Variants in FGF12 observed in about 807,000 individuals in gnomAD.
The protein encoded by FGF12 is fibroblast growth factor 12, also known as fibroblast growth factor 12B.
FGF12 carries 14 observed loss-of-function variants against 23.6 expected under a neutral mutation model. The ratio of observed to expected loss-of-function variants is 0.59; its 90% confidence interval spans 0.39 to 0.93. The LOEUF is 0.93. FGF12 is among the 40% of genes least tolerant of loss of function. The probability of loss-of-function intolerance (pLI) is 0.00; values close to 1 mark genes in which losing one functional copy is unlikely to be tolerated. For synonymous variants in FGF12, 62 were observed against 77.3 expected (o/e 0.80, Z 1.04); for missense variants, 175 against 217.8 (o/e 0.80, Z 1.24).
At chr3:192,206,369 T>A (rs189599128) in intron 4 of FGF12, among the ~76,000 whole-genome samples, 91 of 152,334 alleles carry the variant, frequency 6.0e-4, no homozygotes, top group African/African-American at 2.2e-3. Flanking sequence ...TTTTGCTAAA[T>A]TAGACCAAGT....
At chr3:192,620,872 A>G (rs1714948364) in intron 2 of FGF12, among the ~76,000 whole-genome samples, 1 of 152,142 alleles carries the variant, frequency 6.6e-6, no homozygotes, top group Non-Finnish European at 1.5e-5. Flanking sequence ...CCTGGGCTCG[A>G]GCTCAGTAAG....
At chr3:192,687,164 CA>C (rs558366691) in intron 2 of FGF12, among the ~76,000 whole-genome samples, 2,249 of 105,268 alleles carry the variant, frequency 0.021, 28 homozygotes, top group African/African-American at 0.055. Flanking sequence ...TCTCTCACAT[CA>C]AAAAAAAAAA....
chr3:192,555,742 G>A (rs1188191850), intron 2 of FGF12, among the ~76,000 whole-genome samples: 3 of 151,008 alleles, frequency 2.0e-5, no homozygotes, highest in Non-Finnish European at 4.4e-5. Context: ...AGATTGCAGC[G>A]AGCCGAGATC....
chr3:192,604,248 CAT>C (rs1313631496), intron 2 of FGF12, among the ~76,000 whole-genome samples: 4 of 152,240 alleles, frequency 2.6e-5, no homozygotes, highest in Non-Finnish European at 2.9e-5. Context: ...TTTGAACACA[CAT>C]GTTTTACAAT....
At chr3:192,470,522 G>A (rs1035291753) in intron 2 of FGF12, among the ~76,000 whole-genome samples, 15 of 152,096 alleles carry the variant, frequency 9.9e-5, no homozygotes, top group African/African-American at 3.6e-4. Context: ...CCGAATATCT[G>A]GGATTAAAGT....
chr3:192,483,662 A>G (rs1723543050), intron 2 of FGF12, among the ~76,000 whole-genome samples: 1 of 152,216 alleles, frequency 6.6e-6, no homozygotes, highest in African/African-American at 2.4e-5. Context: ...TGATCATTCC[A>G]GCATGAATTG....
At chr3:192,439,591 T>C (rs1722133256) in intron 2 of FGF12, among the ~76,000 whole-genome samples, 1 of 152,182 alleles carries the variant, frequency 6.6e-6, no homozygotes, top group South Asian at 2.1e-4. Context: ...CAACTGAGCT[T>C]ACAATCTAGT....
At chr3:192,339,215 A>G (rs1467600612) in intron 3 of FGF12, among the ~76,000 whole-genome samples, 1 of 152,196 alleles carries the variant, frequency 6.6e-6, no homozygotes, top group Non-Finnish European at 1.5e-5. Flanking sequence ...TCTGCCTCCT[A>G]AAAGTCCCAA....
At chr3:192,667,026 A>C (rs1378210693) in intron 2 of FGF12, among the ~76,000 whole-genome samples, 1 of 152,204 alleles carries the variant, frequency 6.6e-6, no homozygotes, top group East Asian at 1.9e-4. Flanking sequence ...AAAGGAAAAA[A>C]ATCATGATTC....
At chr3:192,298,799 A>G (rs76929662) in intron 4 of FGF12, among the ~76,000 whole-genome samples, 8,055 of 152,286 alleles carry the variant, frequency 0.053, 270 homozygotes, top group Middle Eastern at 0.095. Flanking sequence ...TACAAGAAGC[A>G]TGGCACCAGC....
At chr3:192,256,151 A>T (rs1375413274) in intron 4 of FGF12, among the ~76,000 whole-genome samples, 1 of 152,070 alleles carries the variant, frequency 6.6e-6, no homozygotes, top group African/African-American at 2.4e-5. Flanking sequence ...AACTAGCTAC[A>T]ATGAGGCAGA....
At chr3:192,579,597 A>G (rs562178271) in intron 2 of FGF12, among the ~76,000 whole-genome samples, 2 of 152,244 alleles carry the variant, frequency 1.3e-5, no homozygotes, top group East Asian at 3.9e-4. Flanking sequence ...TCTGTCACCC[A>G]GGTTCGAGTG....
chr3:192,543,510 C>G (rs567793544), intron 2 of FGF12, among the ~76,000 whole-genome samples: 1 of 151,864 alleles, frequency 6.6e-6, no homozygotes, highest in South Asian at 2.1e-4. Context: ...CCATTGTGGC[C>G]GAGCTGGTAC....
chr3:192,710,815 C>A (rs530685558), intron 2 of FGF12, among the ~76,000 whole-genome samples: 2 of 152,286 alleles, frequency 1.3e-5, no homozygotes, highest in African/African-American at 4.8e-5. Flanking sequence ...GAATACCACA[C>A]TGAAAATCAG....
intron 2 of FGF12, among the ~76,000 whole-genome samples, chr3:192,419,090 T>C (rs1721442982): frequency 6.6e-6 from 1 of 152,186 alleles, no homozygotes; most frequent in Admixed American, 6.5e-5. Flanking sequence ...TTGTCTGAAA[T>C]ATGGGGTCAG....
Position 192,514,382 on chromosome 3 carries a change from G to C in FGF12, c.14-153844C>G, listed in dbSNP as rs1168488816. Among the ~76,000 whole-genome samples, 6 of 152,250 alleles carry C rather than the reference G, an allele frequency of 3.9e-5. No homozygotes were observed. Among genetic ancestry groups the C allele is most frequent in the East Asian group, 1.9e-4 (1 of 5,180 alleles). On this transcript the variant is annotated intron_variant, in intron 2 of 5. Transcript: ENST00000445105. This position sits in a 1 kb window ranked among gnomAD's most constrained non-coding sequence, Gnocchi z 4.9. ...GCGAGAAGGTGCGAACGCAGGTCAC[G>C]GCCAGCGCCGCTTGGAGAGAGACCC...
intron 2 of FGF12, among the ~76,000 whole-genome samples, chr3:192,416,654 T>C (rs544953184): frequency 8.5e-5 from 13 of 152,290 alleles, no homozygotes; most frequent in Non-Finnish European, 1.5e-4. Flanking sequence ...GAGAGCTTGT[T>C]AGCAGATTAA....
intron 5 of FGF12, among the ~76,000 whole-genome samples, chr3:192,150,574 T>A (rs1484320162): frequency 6.8e-6 from 1 of 146,280 alleles, no homozygotes; most frequent in Non-Finnish European, 1.5e-5. Flanking sequence ...AAATGGGGAA[T>A]CCTTTCCCCA....
At chr3:192,546,156 T>G (rs1725488995) in intron 2 of FGF12, among the ~76,000 whole-genome samples, 1 of 152,200 alleles carries the variant, frequency 6.6e-6, no homozygotes, top group Non-Finnish European at 1.5e-5. Context: ...TTATTAGCTG[T>G]GTCATCTTAG....
Sources: allele counts gnomAD v4.1 joint callset (sites outside exome capture counted in the v4.1 genomes callset), GRCh38; gene constraint gnomAD v4.1.1; non-coding constraint Gnocchi (gnomAD v3.1); transcripts MANE v1.5; gene names NCBI Gene and HGNC (gene_info 2026-07-23, HGNC 2026-07-21).